WDR37: variants seen among roughly 807,000 people sequenced by gnomAD.
WDR37 encodes WD repeat-containing protein 37.
Under a neutral mutation model 62.9 loss-of-function variants are expected in WDR37, and 19 were observed. The ratio of observed to expected loss-of-function variants is 0.30; its 90% CI spans 0.21 to 0.44. WDR37 has a LOEUF of 0.44. Ranked by LOEUF, WDR37 falls within the 20% of genes least tolerant of loss-of-function variation. The pLI, the probability that WDR37 is intolerant of heterozygous loss-of-function variation, is 1.00. For missense variants in WDR37, 474 were observed against 657.6 expected, an observed-to-expected ratio of 0.72 and a Z score of 3.05; for synonymous variants, 250 against 260.9, an observed-to-expected ratio of 0.96 and a Z score of 0.40.
intron 1 of WDR37, among the ~76,000 whole-genome samples, chr10:1,057,330 G>A (rs1216368279): frequency 4.6e-5 from 7 of 152,174 alleles, no homozygotes; most frequent in Non-Finnish European, 8.8e-5. Flanking sequence ...GGAGGGGTTG[G>A]GGGCAGAAGG....
At chr10:1,085,026 A>G (rs1182484267) in intron 6 of WDR37, among the ~76,000 whole-genome samples, 3 of 152,212 alleles carry the variant, frequency 2.0e-5, no homozygotes, top group South Asian at 2.1e-4. Context: ...CAGTGGCGCA[A>G]TCTCGGCTCA....
At chr10:1,100,647 CAGACTT>C (rs1219745814) in intron 9 of WDR37, among the ~76,000 whole-genome samples, 1 of 152,210 alleles carries the variant, frequency 6.6e-6, no homozygotes, top group African/African-American at 2.4e-5. Flanking sequence ...GTAGTGGAAA[CAGACTT>C]AGACCAACAG....
chr10:1,096,318 T>A lies in WDR37; in HGVS notation c.726+72T>A, dbSNP rs149336580. The stretch of plus-strand genomic sequence containing the variant: ...CGAATCTGAGAATCCATTTATGATA[T>A]CTGTCATGGACGGAATGTTTGTGTC... On this transcript the variant is annotated intron_variant, in intron 9 of 13. Coordinates refer to ENST00000263150, the MANE Select transcript of WDR37 (RefSeq NM_014023.4). The A allele has an allele frequency of 8.4e-5, 128 of 1,520,110 alleles. No individual in the cohort carries two copies. In the East Asian group the frequency reaches 2.7e-3, roughly 33 times the overall value. 94.2% of individuals were successfully genotyped at this position (1,520,110 alleles called of 1,614,324 possible). A position where few individuals can be genotyped will look rare whatever the true frequency, so the allele number is the denominator to read the frequency against.
chr10:1,096,460 G>T, intron 9 of WDR37: 1 of 589,118 alleles, frequency 1.7e-6, no homozygotes, highest in Non-Finnish European at 3.0e-6. Context: ...AGAGGAGACA[G>T]TGGAGAGCTC....
intron 12 of WDR37, among the ~76,000 whole-genome samples, 164 bp from the exon 13 acceptor site, chr10:1,124,746 C>G (rs889832038): frequency 5.3e-5 from 8 of 151,950 alleles, no homozygotes; most frequent in Non-Finnish European, 1.0e-4. Context: ...GTGTGAGTAA[C>G]TTGGTCTCTT....
intron 9 of WDR37, 32 bp downstream of exon 9, chr10:1,096,278 G>A (rs1390068261): frequency 6.2e-7 from 1 of 1,600,122 alleles, no homozygotes; most frequent in African/African-American, 1.3e-5. Context: ...TGAATGTGTA[G>A]GATGCTGATG....
intron 7 of WDR37, among the ~76,000 whole-genome samples, chr10:1,089,116 A>G (rs1338345426): frequency 1.3e-5 from 2 of 151,886 alleles, no homozygotes; most frequent in African/African-American, 4.8e-5. Flanking sequence ...CCTGAGCTTT[A>G]GTTTCATCTG....
At chr10:1,122,398 A>G (rs1835613743) in intron 11 of WDR37, among the ~76,000 whole-genome samples, 2 of 152,258 alleles carry the variant, frequency 1.3e-5, no homozygotes, top group South Asian at 4.1e-4. Flanking sequence ...GAGACAGTGT[A>G]GGGGTCAAGC....
Position 1,125,010 on chromosome 10 carries a change from C to G in WDR37, c.1339C>G (p.Arg447Gly). The part of the protein sequence containing the change: ...MSGVRLARLP[R>G]SSRQGHRRMV... ...AGGAGTGCGCCTGGCGCGGCTTCCC[C>G]GGAGCAGCCGACAGGTAACAGCACG... The change falls in exon 13 of 14, where the codon CGG becomes GGG. Residue 447 changes from arginine (R) to glycine (G), a missense_variant. Coordinates refer to ENST00000263150, the MANE Select transcript of WDR37 (RefSeq NM_014023.4). The G allele has an allele frequency of 6.2e-7, 1 of 1,614,174 alleles. No homozygotes were observed. The highest frequency in any genetic ancestry group is 8.5e-7 in the Non-Finnish European group (1 of 1,180,024).
At chr10:1,093,518 T>G in intron 8 of WDR37, 22 bp downstream of exon 8, 4 of 1,583,902 alleles carry the variant, frequency 2.5e-6, no homozygotes, top group Non-Finnish European at 3.5e-6. Context: ...TTTTTCTTTA[T>G]TGAACAAAAT....
intron 13 of WDR37, among the ~76,000 whole-genome samples, chr10:1,126,200 T>C (rs905798759): frequency 4.6e-5 from 7 of 152,086 alleles, no homozygotes; most frequent in East Asian, 1.9e-4. Flanking sequence ...GGTCAGGAGA[T>C]CGAGACCATC....
At chr10:1,111,458 G>GT (rs1835215611) in intron 11 of WDR37, among the ~76,000 whole-genome samples, 1 of 152,118 alleles carries the variant, frequency 6.6e-6, no homozygotes, top group Non-Finnish European at 1.5e-5. Flanking sequence ...AAAGACTGGA[G>GT]TTTGAGTTCC....
At chr10:1,075,473 C>T (rs898523624) in intron 2 of WDR37, among the ~76,000 whole-genome samples, 51 of 150,558 alleles carry the variant, frequency 3.4e-4, no homozygotes, top group Non-Finnish European at 5.8e-4. Context: ...TGATATTCCC[C>T]TCCCTGTGTC....
chr10:1,117,809 G>A (rs945601332), intron 11 of WDR37, among the ~76,000 whole-genome samples: 3 of 152,224 alleles, frequency 2.0e-5, no homozygotes, highest in Non-Finnish European at 2.9e-5. Flanking sequence ...CCAGGGCCCG[G>A]GTGGCATGTG....
chr10:1,064,583 C>CTTTTTTTTTTTTTTTTTTTT (rs71376884), intron 1 of WDR37, among the ~76,000 whole-genome samples: 2 of 70,464 alleles, frequency 2.8e-5, no homozygotes, highest in African/African-American at 1.2e-4. Context: ...GACAATGGAT[C>CTTTTTTTTTTTTTTTTTTTT]TTTTTTTTTT....
chr10:1,125,924 G>A lies in WDR37; in HGVS notation c.1353+900G>A, dbSNP rs549512158. On this transcript the variant is annotated intron_variant, in intron 13 of 13. Coordinates refer to ENST00000263150, the MANE Select transcript of WDR37 (RefSeq NM_014023.4). ...CCCACCCGTCCTGGTTGCCTGGAAG[G>A]CGCAAAGAGAATCGAGACTCCATGG... Among the ~76,000 whole-genome samples, 4 of 152,352 alleles carry A rather than the reference G, an allele frequency of 2.6e-5. No individual in the cohort carries two copies. In the East Asian group the frequency reaches 7.7e-4, roughly 29 times the overall value.
In WDR37 at chr10:1,121,755, A is replaced by G. The variant is rs918355071; in HGVS notation, c.1104-2463A>G. 6.6e-6 allele frequency among the ~76,000 whole-genome samples: 1 copy of G among 152,186 alleles called. No individual in the cohort carries two copies. The highest frequency in any genetic ancestry group is 2.4e-5 in the African/African-American group (1 of 41,438). ...CACCACAGGGAAGGGCCCCGACCAGACATCAGGTCCTAGCGGGGGAATAAG... is the reference window on the plus strand; with the variant it reads ...CACCACAGGGAAGGGCCCCGACCAGGCATCAGGTCCTAGCGGGGGAATAAG... On this transcript the variant is annotated intron_variant, in intron 11 of 13. Transcript: ENST00000263150. The surrounding 1 kb of genome is among the most constrained non-coding windows in gnomAD (Gnocchi z 4.5).
intron 13 of WDR37, among the ~76,000 whole-genome samples, chr10:1,126,432 G>A (rs1175676822): frequency 2.0e-5 from 3 of 152,008 alleles, no homozygotes; most frequent in Non-Finnish European, 2.9e-5. Context: ...AACTCCCCGT[G>A]GTCGAGGCAG....
At chr10:1,110,328 A>C (rs754877075) in intron 11 of WDR37, among the ~76,000 whole-genome samples, 4 of 152,108 alleles carry the variant, frequency 2.6e-5, no homozygotes, top group Non-Finnish European at 5.9e-5. Flanking sequence ...TCAGCTGTAA[A>C]CCTTTAGACG....
Sources: gnomAD v4.1 joint callset for allele counts (sites outside exome capture counted in the v4.1 genomes callset) on GRCh38, gnomAD v4.1.1 for gene constraint, Gnocchi (gnomAD v3.1) non-coding constraint, MANE v1.5 for transcripts, NCBI Gene and HGNC (gene_info 2026-07-23, HGNC 2026-07-21) for gene names.